ARHGEF38: variants seen among roughly 807,000 people sequenced by gnomAD.
ARHGEF38 encodes the protein Rho guanine nucleotide exchange factor 38.
Under a neutral mutation model 79.9 loss-of-function variants are expected in ARHGEF38, and 79 were observed. The ratio of observed to expected loss-of-function variants is 0.99; its 90% CI spans 0.82 to 1.19. ARHGEF38 has a LOEUF of 1.19. ARHGEF38 is among the 50% of genes most tolerant of loss of function. The pLI is 0.00. For missense variants in ARHGEF38, 962 were observed against 907.2 expected, an observed-to-expected ratio of 1.06 and a Z score of -0.78; for synonymous variants, 366 against 328.3, an observed-to-expected ratio of 1.11 and a Z score of -1.24.
At chr4:105,681,519 T>A (rs1313052820), downstream of ARHGEF38, among the ~76,000 whole-genome samples, 1 of 152,152 alleles carries the variant, frequency 6.6e-6, no homozygotes. Context: ...TTGCTGTGAA[T>A]AATAAACTGT....
At chr4:105,659,715 TTA>T (rs1197645101) in intron 10 of ARHGEF38, among the ~76,000 whole-genome samples, 4 of 152,196 alleles carry the variant, frequency 2.6e-5, no homozygotes, top group African/African-American at 9.7e-5. Context: ...TCAATAGTTC[TTA>T]GATGTTAACT....
chr4:105,666,112 A>T (rs1730739084), intron 10 of ARHGEF38, 65 bp from the exon 11 acceptor site: 1 of 1,387,172 alleles, frequency 7.2e-7, no homozygotes, highest in African/African-American at 1.5e-5. Flanking sequence ...ACAACTCAAT[A>T]CATTTAACAC....
In ARHGEF38 at chr4:105,589,312, T is replaced by C; in HGVS notation, c.261T>C (p.His87=). The C allele has an allele frequency of 6.2e-7, 1 of 1,614,080 alleles. No individual in the cohort carries two copies. Among genetic ancestry groups the C allele is most frequent in the Non-Finnish European group, 8.5e-7 (1 of 1,180,000 alleles). ...CCTTAACCCCAGAGGAAGAGCATCATATGAAGAGGATGATGGCAAAGCGGG... is the reference window on the plus strand; with the variant it reads ...CCTTAACCCCAGAGGAAGAGCATCACATGAAGAGGATGATGGCAAAGCGGG... ...AETLTPEEEH[H]MKRMMAKREK... is the part of the protein sequence containing the mutation. The change falls in exon 2 of 14, where the codon CAT becomes CAC. Residue 87 remains histidine, a synonymous_variant. Transcript: ENST00000420470.
intron 4 of ARHGEF38, chr4:105,631,565 A>T: frequency 9.1e-6 from 9 of 985,414 alleles, no homozygotes; most frequent in Non-Finnish European, 1.1e-5. Context: ...TCCCTAAAAC[A>T]TTGGTGGGGG....
chr4:105,584,432 A>G (rs1265737055), intron 1 of ARHGEF38, among the ~76,000 whole-genome samples: 5 of 152,214 alleles, frequency 3.3e-5, no homozygotes, highest in Admixed American at 6.5e-5. Flanking sequence ...ACATTAACTA[A>G]TTTAATCTTC....
At chr4:105,613,763 G>T (rs1301043685) in intron 3 of ARHGEF38, among the ~76,000 whole-genome samples, 1 of 151,798 alleles carries the variant, frequency 6.6e-6, no homozygotes, top group Non-Finnish European at 1.5e-5. Context: ...CAATCTCTTT[G>T]CTTTCCAGAT....
chr4:105,666,380 T>C, intron 11 of ARHGEF38, 60 bp downstream of exon 11: 2 of 1,422,962 alleles, frequency 1.4e-6, no homozygotes, highest in South Asian at 3.2e-5. Flanking sequence ...ATCCAAGTTG[T>C]AGTATCATAT....
At chr4:105,557,393 G>T (rs950265290) in intron 1 of ARHGEF38, among the ~76,000 whole-genome samples, 1 of 151,964 alleles carries the variant, frequency 6.6e-6, no homozygotes, top group Non-Finnish European at 1.5e-5. Flanking sequence ...TAACATTCAG[G>T]AGTCTTTTCT....
intron 13 of ARHGEF38, among the ~76,000 whole-genome samples, chr4:105,675,996 G>A (rs751539339): frequency 1.6e-4 from 25 of 152,172 alleles, no homozygotes; most frequent in Non-Finnish European, 3.1e-4. Context: ...TAGCAATGTG[G>A]TTCTTTCCTT....
At chr4:105,582,063 G>A (rs1042683598) in intron 1 of ARHGEF38, among the ~76,000 whole-genome samples, 1 of 150,914 alleles carries the variant, frequency 6.6e-6, no homozygotes, top group African/African-American at 2.4e-5. Flanking sequence ...TACTCAGGAG[G>A]CTGAGGCAGG....
At chr4:105,575,638 A>G (rs1726458782) in intron 1 of ARHGEF38, among the ~76,000 whole-genome samples, 1 of 152,118 alleles carries the variant, frequency 6.6e-6, no homozygotes, top group South Asian at 2.1e-4. Flanking sequence ...GGCTGTGCAG[A>G]AGCTTTTTAG....
At chr4:105,669,113 G>A (rs1730870692) in intron 13 of ARHGEF38, among the ~76,000 whole-genome samples, 1 of 152,098 alleles carries the variant, frequency 6.6e-6, no homozygotes, top group Admixed American at 6.6e-5. Flanking sequence ...CTGTGCTTCA[G>A]AGACAATGCT....
intron 13 of ARHGEF38, among the ~76,000 whole-genome samples, chr4:105,674,100 A>C (rs1410004831): frequency 6.6e-6 from 1 of 152,160 alleles, no homozygotes; most frequent in Non-Finnish European, 1.5e-5. Flanking sequence ...GGAGGAAGGA[A>C]AAATCAAATG....
chr4:105,619,742 A>G (rs1728663269), intron 3 of ARHGEF38, among the ~76,000 whole-genome samples: 1 of 152,198 alleles, frequency 6.6e-6, no homozygotes, highest in Admixed American at 6.5e-5. Flanking sequence ...ATGTGACTGG[A>G]GCATAGTGCC....
chr4:105,639,400 G>C (rs563439821), intron 5 of ARHGEF38, among the ~76,000 whole-genome samples: 49 of 151,926 alleles, frequency 3.2e-4, no homozygotes, highest in Admixed American at 7.2e-4. Flanking sequence ...TTTTTAAATA[G>C]ACATCATTTT....
chr4:105,577,781 A>G (rs114375933), intron 1 of ARHGEF38, among the ~76,000 whole-genome samples: 3,999 of 152,016 alleles, frequency 0.026, 177 homozygotes, highest in African/African-American at 0.09. Flanking sequence ...TAATGTCTCA[A>G]GTTTCATTTC....
intron 3 of ARHGEF38, among the ~76,000 whole-genome samples, chr4:105,626,421 C>T (rs995821581): frequency 2.0e-5 from 3 of 152,130 alleles, no homozygotes; most frequent in Non-Finnish European, 4.4e-5. Flanking sequence ...TATTTTAACT[C>T]ATTTAATCTG....
chr4:105,650,120 C>T (rs1192273976), intron 7 of ARHGEF38, among the ~76,000 whole-genome samples: 1 of 152,224 alleles, frequency 6.6e-6, no homozygotes, highest in African/African-American at 2.4e-5. Context: ...TATTTTATAT[C>T]ATCACCTTGT....
chr4:105,624,237 T>A (rs955985516), intron 3 of ARHGEF38, among the ~76,000 whole-genome samples: 1 of 152,230 alleles, frequency 6.6e-6, no homozygotes, highest in Non-Finnish European at 1.5e-5. Flanking sequence ...AAAAAATTTT[T>A]ACCAGAATAT....
Sources: gnomAD v4.1 joint callset for allele counts (sites outside exome capture counted in the v4.1 genomes callset) on GRCh38, gnomAD v4.1.1 for gene constraint, MANE v1.5 for transcripts, NCBI Gene and HGNC (gene_info 2026-07-23, HGNC 2026-07-21) for gene names.